The following AFF3 variants were observed in gnomAD, a reference collection of about 807,000 sequenced individuals.
AFF3 encodes the protein ALF transcription elongation factor 3, also known as AF4/FMR2 family member 3.
Under a neutral mutation model 129.7 loss-of-function variants are expected in AFF3, and 32 were observed. The observed-to-expected ratio is 0.25, with a 90% CI of 0.19 to 0.33. The LOEUF (loss-of-function observed/expected upper bound fraction) is 0.33, where lower values mean the gene tolerates loss of function less well. AFF3 is among the 10% of genes least tolerant of loss of function. The pLI, the probability that AFF3 is intolerant of heterozygous loss-of-function variation, is 1.00. For synonymous variants in AFF3, 644 were observed against 635.4 expected (o/e 1.01, Z -0.20); for missense variants, 1,373 against 1,592.0 (o/e 0.86, Z 2.34).
At chr2:100,111,569 A>G (rs1230691228) in intron 2 of AFF3, among the ~76,000 whole-genome samples, 2 of 152,204 alleles carry the variant, frequency 1.3e-5, no homozygotes, top group African/African-American at 4.8e-5. Flanking sequence ...AACAGATGGC[A>G]TTTACGAAAA....
intron 7 of AFF3, among the ~76,000 whole-genome samples, chr2:99,903,600 A>C (rs566073291): frequency 6.6e-6 from 1 of 152,302 alleles, no homozygotes; most frequent in South Asian, 2.1e-4. Flanking sequence ...AACATCATCA[A>C]GTTTAAGATA....
At chr2:99,687,372 T>C (rs1675162907) in intron 11 of AFF3, among the ~76,000 whole-genome samples, 1 of 152,146 alleles carries the variant, frequency 6.6e-6, no homozygotes, top group Admixed American at 6.5e-5. Context: ...AAGAGAAATG[T>C]CCCGGTATGG....
chr2:99,770,073 G>A (rs1307940944), intron 8 of AFF3, among the ~76,000 whole-genome samples: 1 of 152,234 alleles, frequency 6.6e-6, no homozygotes, highest in African/African-American at 2.4e-5. Flanking sequence ...TTTCCCTTCA[G>A]GGCAGCGAGT....
chr2:100,052,697 A>G (rs1174878952), intron 4 of AFF3, among the ~76,000 whole-genome samples: 3 of 152,142 alleles, frequency 2.0e-5, no homozygotes, highest in Non-Finnish European at 4.4e-5. Context: ...CATTTGCCAA[A>G]TCATACTGTT....
chr2:99,737,327 C>T lies in AFF3; in HGVS notation c.1039+6777G>A, dbSNP rs545971401. ...CATATTTACTTTCACTGCATTTAAT[C>T]TTTCTCGCACCTCACATTCCTTCTG... On this transcript the variant is annotated intron_variant, in intron 10 of 24. Transcript: ENST00000672756. Among the ~76,000 whole-genome samples the T allele has an allele frequency of 1.5e-3, 223 of 152,236 alleles. 5 individuals are homozygous for T. The highest frequency in any genetic ancestry group is 6.8e-3 in the Middle Eastern group (2 of 292).
intron 8 of AFF3, among the ~76,000 whole-genome samples, chr2:99,760,167 A>C (rs78670523): frequency 6.6e-6 from 1 of 152,322 alleles, no homozygotes; most frequent in Non-Finnish European, 1.5e-5. Flanking sequence ...CTTCACTCTG[A>C]GCTTTAGTTG....
At chr2:99,563,193 T>C (rs1405664932) in intron 20 of AFF3, among the ~76,000 whole-genome samples, 1 of 151,582 alleles carries the variant, frequency 6.6e-6, no homozygotes, top group African/African-American at 2.4e-5. Context: ...TGTTTTCTTT[T>C]TTTTTTTTCT....
intron 13 of AFF3, among the ~76,000 whole-genome samples, chr2:99,617,097 T>G (rs1470103196): frequency 6.6e-6 from 1 of 152,248 alleles, no homozygotes; most frequent in African/African-American, 2.4e-5. Flanking sequence ...TGGGCTACTA[T>G]GGATAATGCC....
intron 7 of AFF3, among the ~76,000 whole-genome samples, chr2:99,991,976 C>T (rs1680395340): frequency 6.6e-6 from 1 of 150,910 alleles, no homozygotes; most frequent in Admixed American, 6.6e-5. Flanking sequence ...TTAAATGGAA[C>T]TTTTCCACTT....
intron 8 of AFF3, among the ~76,000 whole-genome samples, chr2:99,802,793 G>A (rs115575548): frequency 0.018 from 2,593 of 146,352 alleles, 67 homozygotes; most frequent in African/African-American, 0.061. Flanking sequence ...CTACTGATTT[G>A]TGTACATGAA....
intron 7 of AFF3, among the ~76,000 whole-genome samples, chr2:100,002,591 A>G (rs1396679177): frequency 6.6e-6 from 1 of 152,194 alleles, no homozygotes; most frequent in Admixed American, 6.5e-5. Context: ...CATCTAGGAT[A>G]CCACAGTCTA....
At chr2:99,746,612 T>A (rs1681178941) in intron 9 of AFF3, among the ~76,000 whole-genome samples, 1 of 152,168 alleles carries the variant, frequency 6.6e-6, no homozygotes, top group African/African-American at 2.4e-5. Flanking sequence ...TGGAAATGAT[T>A]ATATGAAGAT....
At chr2:99,779,361 C>G (rs1684209635) in intron 8 of AFF3, among the ~76,000 whole-genome samples, 1 of 152,096 alleles carries the variant, frequency 6.6e-6, no homozygotes, top group Non-Finnish European at 1.5e-5. Flanking sequence ...ACTTTGAATT[C>G]TTGGCATAAA....
chr2:99,784,570 A>G (rs1228207076), intron 8 of AFF3, among the ~76,000 whole-genome samples: 3 of 152,210 alleles, frequency 2.0e-5, no homozygotes, highest in Non-Finnish European at 2.9e-5. Context: ...ATTACATGCT[A>G]GTATGATATT....
At chr2:99,999,040 C>T (rs1681133288) in intron 7 of AFF3, among the ~76,000 whole-genome samples, 1 of 152,102 alleles carries the variant, frequency 6.6e-6, no homozygotes, top group South Asian at 2.1e-4. Context: ...TGTGGGAGCA[C>T]ACGCACAGCA....
chr2:99,888,818 G>A (rs988534163), intron 7 of AFF3, among the ~76,000 whole-genome samples: 4 of 152,074 alleles, frequency 2.6e-5, no homozygotes, highest in African/African-American at 9.7e-5. Context: ...AGGCCAAGGA[G>A]GGATGAACAA....
intron 1 of AFF3, among the ~76,000 whole-genome samples, chr2:100,133,225 C>T (rs1692497166): frequency 6.6e-6 from 1 of 151,844 alleles, no homozygotes; most frequent in Non-Finnish European, 1.5e-5. Flanking sequence ...GTGATCACCA[C>T]TGCACTCCAG....
At chr2:99,763,939 T>G (rs1430011052) in intron 8 of AFF3, among the ~76,000 whole-genome samples, 1 of 152,214 alleles carries the variant, frequency 6.6e-6, no homozygotes, top group Non-Finnish European at 1.5e-5. Context: ...TTAATCTACT[T>G]CATTGCAGTG....
At chr2:99,791,647 C>T (rs902792444) in intron 8 of AFF3, among the ~76,000 whole-genome samples, 3 of 152,200 alleles carry the variant, frequency 2.0e-5, no homozygotes, top group Non-Finnish European at 4.4e-5. Flanking sequence ...AAATTTCATA[C>T]TCACAGTGCT....
Sources: allele counts gnomAD v4.1 joint callset (sites outside exome capture counted in the v4.1 genomes callset), GRCh38; gene constraint gnomAD v4.1.1; transcripts MANE v1.5; gene names NCBI Gene and HGNC (gene_info 2026-07-23, HGNC 2026-07-21).